ST6GALNAC2: variants seen among roughly 807,000 people sequenced by gnomAD.
ST6GALNAC2 encodes the protein ST6 N-acetylgalactosaminide alpha-2,6-sialyltransferase 2, also known as alpha-N-acetylgalactosaminide alpha-2,6-sialyltransferase 2.
In ST6GALNAC2, 42 loss-of-function variants were observed where a neutral mutation model predicts 38.7. That is an observed-to-expected ratio of 1.09 (90% CI 0.85 to 1.40). The LOEUF is 1.40. Among genes scored for constraint, ST6GALNAC2 ranks in the 40% most tolerant of loss-of-function variants. The probability of loss-of-function intolerance (pLI) is 0.00; values close to 1 mark genes in which losing one functional copy is unlikely to be tolerated. For synonymous variants in ST6GALNAC2, 233 were observed against 209.0 expected, an observed-to-expected ratio of 1.11 and a Z score of -0.99; for missense variants, 506 against 481.7, an observed-to-expected ratio of 1.05 and a Z score of -0.47.
chr17:76,578,605 C>T (rs2075443184), intron 2 of ST6GALNAC2, 151 bp downstream of exon 2: 1 of 670,278 alleles, frequency 1.5e-6, no homozygotes, highest in African/African-American at 1.8e-5. Flanking sequence ...TCTGAGAGGC[C>T]CTGAAGGGAC....
Position 76,573,295 on chromosome 17 carries a change from T to A in ST6GALNAC2, c.430A>T (p.Thr144Ser), listed in dbSNP as rs371095497. Residue 144 changes from threonine (T) to serine (S), a missense_variant, in exon 4 of 9, where the codon ACC becomes TCC. Transcript: ENST00000225276. This position sits in a 1 kb window ranked among gnomAD's most constrained non-coding sequence, Gnocchi z 5.1. ...SAKLFAPPRD[T>S]PPKCIRCAVV... ...GCACACCGGATACACTTTGGAGGGG[T>A]GTCCCTGGGCGGGGCAAACAGCTTG... 1 of 1,603,042 alleles carries A rather than the reference T, an allele frequency of 6.2e-7. No homozygotes were observed.
In ST6GALNAC2 at chr17:76,565,622, T is replaced by G. The variant is rs2075269780; in HGVS notation, c.*482A>C. The G allele has an allele frequency of 6.5e-6, 1 of 154,232 alleles. No homozygotes were observed. Among genetic ancestry groups the G allele is most frequent in the Non-Finnish European group, 1.4e-5 (1 of 69,426 alleles). 9.6% of individuals were successfully genotyped at this position (154,232 alleles called of 1,614,324 possible). A position where few individuals can be genotyped will look rare whatever the true frequency, so the allele number is the denominator to read the frequency against. On this transcript the variant is annotated 3_prime_UTR_variant, in exon 9 of 9. Transcript: ENST00000225276. ...TGTACGCAGTTATCTAGTCTTAAGT[T>G]ATATTCTGGCTTTTTTCTCCCACTT...
In ST6GALNAC2 at chr17:76,567,555, G is replaced by A. The variant is rs2075299960; in HGVS notation, c.858-3C>T. 1.2e-6 allele frequency: 2 copies of A among 1,607,168 alleles called. No homozygotes were observed. Among genetic ancestry groups the A allele is most frequent in the African/African-American group, 2.7e-5 (2 of 74,782 alleles). On this transcript the variant is annotated splice_polypyrimidine_tract_variant and splice_region_variant and intron_variant, in intron 7 of 8. Coordinates refer to ENST00000225276, the MANE Select transcript of ST6GALNAC2 (RefSeq NM_006456.3). ...TAATCAACTTTGATTTCAAGAACCTGGAAGCAAAAAGAGACATTTCAGCTC... is the reference window on the plus strand; with the variant it reads ...TAATCAACTTTGATTTCAAGAACCTAGAAGCAAAAAGAGACATTTCAGCTC...
intron 6 of ST6GALNAC2, chr17:76,570,064 T>C: frequency 6.1e-6 from 1 of 164,520 alleles, no homozygotes; most frequent in Non-Finnish European, 1.3e-5. Context: ...TGTTTCCGCC[T>C]CTCAGGACAC....
chr17:76,568,575 G>A lies in ST6GALNAC2; in HGVS notation c.857+138C>T. On this transcript the variant is annotated intron_variant, in intron 7 of 8. Transcript: ENST00000225276. ...ACAGTAAATGAAGTGACAGTGCTTT[G>A]CACACAGCACTCGGGACAGTGGAGC... The A allele has an allele frequency of 6.5e-6, 5 of 774,034 alleles. No individual in the cohort carries two copies. In the South Asian group the frequency reaches 7.8e-5, roughly 12 times the overall value. The allele number at this position is 774,034 out of a possible 1,614,324, so 47.9% of individuals were successfully genotyped here.
chr17:76,580,846 G>A (rs778569359), intron 1 of ST6GALNAC2: 2 of 152,184 alleles, frequency 1.3e-5, no homozygotes, highest in African/African-American at 4.8e-5. Context: ...TATTATTAGT[G>A]TCCCTTCTAG....
Position 76,573,410 on chromosome 17 carries a change from G to T in ST6GALNAC2, c.362-47C>A, listed in dbSNP as rs1369110524. 2.1e-6 allele frequency: 3 copies of T among 1,462,386 alleles called. No homozygotes were observed. Among genetic ancestry groups the T allele is most frequent in the Non-Finnish European group, 2.7e-6 (3 of 1,104,256 alleles). 90.6% of individuals were successfully genotyped at this position (1,462,386 alleles called of 1,614,324 possible). On this transcript the variant is annotated intron_variant, in intron 3 of 8. Coordinates refer to ENST00000225276, the MANE Select transcript of ST6GALNAC2 (RefSeq NM_006456.3). The surrounding 1 kb of genome is among the most constrained non-coding windows in gnomAD (Gnocchi z 5.1). ...AGCCATGAGGAGGGCTGGCATCGGGGGCACCTGGGGCCTTCCCTAGGCTGG... is the reference window on the plus strand; with the variant it reads ...AGCCATGAGGAGGGCTGGCATCGGGTGCACCTGGGGCCTTCCCTAGGCTGG...
At chr17:76,574,234 T>G (rs1018362625) in intron 3 of ST6GALNAC2, 131 bp downstream of exon 3, 6 of 1,094,038 alleles carry the variant, frequency 5.5e-6, no homozygotes, top group Admixed American at 2.6e-5. Flanking sequence ...CTGGGGCTTC[T>G]GGGAGGAGAG....
In ST6GALNAC2 at chr17:76,576,970, C is replaced by CA. The variant is rs540729757; in HGVS notation, c.186+1785dup. ...GGGCAACAAGAGCGAAACTCCATCT[C>CA]AAAAAAAAAAAAAAATGCAAAATGT... On this transcript the variant is annotated intron_variant, in intron 2 of 8. Coordinates refer to ENST00000225276, the MANE Select transcript of ST6GALNAC2 (RefSeq NM_006456.3). Among the ~76,000 whole-genome samples the CA allele has an allele frequency of 5.1e-3, 513 of 99,950 alleles. 3 individuals carry two copies. The highest frequency in any genetic ancestry group is 0.013 in the African/African-American group (324 of 24,440). 65.6% of individuals were successfully genotyped at this position (99,950 alleles called of 152,430 possible).
intron 6 of ST6GALNAC2, chr17:76,569,959 C>T (rs773073387): frequency 1.7e-4 from 31 of 181,374 alleles, no homozygotes; most frequent in African/African-American, 4.0e-4. Context: ...TCAGAACCCC[C>T]GGGAGGAGGT....
chr17:76,568,410 C>CGCCACTGCTGCTGACGGA, intron 7 of ST6GALNAC2: 1 of 419,294 alleles, frequency 2.4e-6, no homozygotes, highest in Non-Finnish European at 4.3e-6. Context: ...CTGCTGACGG[C>CGCCACTGCTGCTGACGGA]GCCACTGCTG....
chr17:76,573,302 G>C lies in ST6GALNAC2; in HGVS notation c.423C>G (p.Pro141=). ...GGATACACTTTGGAGGGGTGTCCCT[G>C]GGCGGGGCAAACAGCTTGGCACTCT... ...GSESAKLFAP[P]RDTPPKCIRC... Residue 141 remains proline, a synonymous_variant, in exon 4 of 9, where the codon CCC becomes CCG. Coordinates refer to ENST00000225276, the MANE Select transcript of ST6GALNAC2 (RefSeq NM_006456.3). The surrounding 1 kb of genome is among the most constrained non-coding windows in gnomAD (Gnocchi z 5.1). The C allele has an allele frequency of 6.3e-7, 1 of 1,596,152 alleles. No individual in the cohort carries two copies. Among genetic ancestry groups the C allele is most frequent in the Non-Finnish European group, 8.5e-7 (1 of 1,171,158 alleles).
chr17:76,573,082 A>C lies in ST6GALNAC2; in HGVS notation c.530+113T>G, dbSNP rs910828349. 1 of 1,217,968 alleles carries C rather than the reference A, an allele frequency of 8.2e-7. No homozygotes were observed. The highest frequency in any genetic ancestry group is 1.1e-6 in the Non-Finnish European group (1 of 883,590). The allele number at this position is 1,217,968 out of a possible 1,614,324, so 75.4% of individuals were successfully genotyped here. A position where few individuals can be genotyped will look rare whatever the true frequency, so the allele number is the denominator to read the frequency against. On this transcript the variant is annotated intron_variant, in intron 4 of 8. Coordinates refer to ENST00000225276, the MANE Select transcript of ST6GALNAC2 (RefSeq NM_006456.3). The surrounding 1 kb of genome is among the most constrained non-coding windows in gnomAD (Gnocchi z 5.1). ...TTGTCCATGCCCGTGTGCTGGTCAC[A>C]ACTGCTGAGCCGCCCAGGCCACTGC...
chr17:76,579,804 C>T (rs35415986), intron 1 of ST6GALNAC2, among the ~76,000 whole-genome samples: 15,384 of 152,240 alleles, frequency 0.1, 893 homozygotes, highest in Middle Eastern at 0.15. Context: ...GAGGATGCAG[C>T]AAGAAGGCCC....
Position 76,572,526 on chromosome 17 carries a change from C to G in ST6GALNAC2, c.669+111G>C, listed in dbSNP as rs1220421471. ...TCTTGCATCCAGAATCCTGGCACCC[C>G]CTCAGCATCCACTGGACCAGGGTGT... On this transcript the variant is annotated intron_variant, in intron 5 of 8. Transcript: ENST00000225276. 19 of 1,313,456 alleles carry G rather than the reference C, an allele frequency of 1.4e-5. No homozygotes were observed. In the South Asian group the frequency reaches 2.3e-4, roughly 16 times the overall value. The allele number at this position is 1,313,456 out of a possible 1,614,324, so 81.4% of individuals were successfully genotyped here. A position where few individuals can be genotyped will look rare whatever the true frequency, so the allele number is the denominator to read the frequency against.
At chr17:76,584,190 G>T (rs1403374482) in intron 1 of ST6GALNAC2, among the ~76,000 whole-genome samples, 1 of 90,312 alleles carries the variant, frequency 1.1e-5, no homozygotes, top group African/African-American at 4.1e-5. Flanking sequence ...CCATCACCTC[G>T]AACTTTTTTT....
In ST6GALNAC2 at chr17:76,568,709, G is replaced by A. The variant is rs374358672; in HGVS notation, c.857+4C>T. On this transcript the variant is annotated splice_donor_region_variant and intron_variant, in intron 7 of 8. Transcript: ENST00000225276. ...CGCTGTTCTTCAGGCACCCCACTCCGTACCTTTCTGTCAGGTAGCTGATGA... is the reference window on the plus strand; with the variant it reads ...CGCTGTTCTTCAGGCACCCCACTCCATACCTTTCTGTCAGGTAGCTGATGA... 2.5e-5 allele frequency: 40 copies of A among 1,613,528 alleles called. 1 individual carries two copies. The Middle Eastern group carries it at 9.9e-4, about 40-fold the overall frequency.
intron 8 of ST6GALNAC2, 43 bp from the exon 9 acceptor site, chr17:76,566,314 AGT>A: frequency 6.3e-7 from 1 of 1,599,406 alleles, no homozygotes; most frequent in Non-Finnish European, 8.6e-7. Context: ...TTGAGCGTCT[AGT>A]GTGTACAGAC....
chr17:76,574,534 C>T lies in ST6GALNAC2; in HGVS notation c.192G>A (p.Gln64=). The T allele has an allele frequency of 7.4e-7, 1 of 1,356,694 alleles. No individual in the cohort carries two copies. The highest frequency in any genetic ancestry group is 9.8e-7 in the Non-Finnish European group (1 of 1,018,140). The allele number at this position is 1,356,694 out of a possible 1,614,324, so 84.0% of individuals were successfully genotyped here. The part of the protein sequence containing the change: ...KASNSWTGKG[Q]ACRHLLHLAI... ...CCAGGTGAAGCAGGTGTCGGCAGGC[C>T]TGGCCCTGTGGGTGAGAAGGTGAGG... Residue 64 remains glutamine (Q), a synonymous_variant, in exon 3 of 9, where the codon CAG becomes CAA. Coordinates refer to ENST00000225276, the MANE Select transcript of ST6GALNAC2 (RefSeq NM_006456.3).
Sources: allele counts gnomAD v4.1 joint callset (sites outside exome capture counted in the v4.1 genomes callset), GRCh38; gene constraint gnomAD v4.1.1; non-coding constraint Gnocchi (gnomAD v3.1); transcripts MANE v1.5; gene names NCBI Gene and HGNC (gene_info 2026-07-23, HGNC 2026-07-21).